PDE4D: variants seen among roughly 807,000 people sequenced by gnomAD.
PDE4D encodes phosphodiesterase 4D.
In PDE4D, 24 loss-of-function variants were observed where a neutral mutation model predicts 87.4. That is an observed-to-expected ratio of 0.27 (90% CI 0.20 to 0.39). The LOEUF (loss-of-function observed/expected upper bound fraction) is 0.39. PDE4D is among the 10% of genes least tolerant of loss of function. PDE4D has a pLI of 1.00. For synonymous variants in PDE4D, 384 were observed against 383.2 expected, an observed-to-expected ratio of 1.00 and a Z score of -0.02; for missense variants, 714 against 1,041.0, an observed-to-expected ratio of 0.69 and a Z score of 4.32.
At chr5:60,435,532 C>T (rs1010783901) in intron 1 of PDE4D, among the ~76,000 whole-genome samples, 1 of 152,024 alleles carries the variant, frequency 6.6e-6, no homozygotes. Flanking sequence ...TCTTGACTCT[C>T]TTTGCTTAGA....
intron 1 of PDE4D, among the ~76,000 whole-genome samples, chr5:59,277,106 C>CATTTGCAG (rs1345212699): frequency 2.6e-5 from 4 of 152,134 alleles, no homozygotes; most frequent in Non-Finnish European, 5.9e-5. Flanking sequence ...GTTTATTTAG[C>CATTTGCAG]ATTTGCAGAC....
chr5:59,881,176 C>A (rs1467244683), intron 1 of PDE4D, among the ~76,000 whole-genome samples: 3 of 152,072 alleles, frequency 2.0e-5, no homozygotes, highest in Admixed American at 1.3e-4. Flanking sequence ...TGCAGAACTA[C>A]CAGATGCCAA....
intron 1 of PDE4D, among the ~76,000 whole-genome samples, chr5:59,578,917 G>A (rs757994373): frequency 6.6e-6 from 1 of 152,018 alleles, no homozygotes; most frequent in Non-Finnish European, 1.5e-5. Context: ...TAGCTACTGT[G>A]TTTTTCTCCT....
At chr5:60,120,157 C>CT (rs1003444962) in intron 2 of PDE4D, among the ~76,000 whole-genome samples, 2 of 152,100 alleles carry the variant, frequency 1.3e-5, no homozygotes, top group Non-Finnish European at 1.5e-5. Flanking sequence ...TATACTATTG[C>CT]TTTTTTTAGC....
intron 1 of PDE4D, among the ~76,000 whole-genome samples, chr5:59,496,800 T>C (rs1807299162): frequency 6.6e-6 from 1 of 152,048 alleles, no homozygotes; most frequent in Non-Finnish European, 1.5e-5. Context: ...GACTCGAAGG[T>C]GGCTCTCCCC....
At chr5:60,084,445 A>C (rs1020649286) in intron 2 of PDE4D, among the ~76,000 whole-genome samples, 1 of 152,096 alleles carries the variant, frequency 6.6e-6, no homozygotes, top group African/African-American at 2.4e-5. Context: ...TGTGTGTGAG[A>C]GAAATATGGG....
chr5:59,647,840 T>C (rs957211066), intron 1 of PDE4D, among the ~76,000 whole-genome samples: 2 of 152,280 alleles, frequency 1.3e-5, no homozygotes, highest in East Asian at 1.9e-4. Context: ...ATTAAACACA[T>C]AACTTATTCA....
intron 2 of PDE4D, among the ~76,000 whole-genome samples, chr5:59,996,216 G>A (rs1034251220): frequency 1.3e-5 from 2 of 152,208 alleles, no homozygotes; most frequent in Non-Finnish European, 2.9e-5. Flanking sequence ...GCAGAGCATT[G>A]TAAAGGTCAG....
At chr5:60,284,954 T>C (rs1752279237) in intron 1 of PDE4D, among the ~76,000 whole-genome samples, 1 of 152,140 alleles carries the variant, frequency 6.6e-6, no homozygotes, top group Non-Finnish European at 1.5e-5. Flanking sequence ...TTCTACAATG[T>C]CTTACATCAA....
intron 1 of PDE4D, among the ~76,000 whole-genome samples, chr5:59,287,718 C>CAG (rs144084939): frequency 0.063 from 9,383 of 149,546 alleles, 297 homozygotes; most frequent in Middle Eastern, 0.072. Context: ...GAGACACACA[C>CAG]AGAGAGAGAG....
chr5:59,743,859 G>A (rs1318717826), intron 1 of PDE4D, among the ~76,000 whole-genome samples: 2 of 151,980 alleles, frequency 1.3e-5, no homozygotes, highest in African/African-American at 4.8e-5. Flanking sequence ...ACAGAACTGT[G>A]TTCTTTAGGA....
At chr5:59,517,146 G>T (rs184881151) in intron 1 of PDE4D, among the ~76,000 whole-genome samples, 1 of 140,316 alleles carries the variant, frequency 7.1e-6, no homozygotes, top group East Asian at 1.9e-4. Flanking sequence ...TGCTTATAAA[G>T]GAAAGAAAAA....
intron 1 of PDE4D, among the ~76,000 whole-genome samples, chr5:60,240,122 T>G (rs915487231): frequency 3.9e-5 from 6 of 152,110 alleles, no homozygotes; most frequent in Non-Finnish European, 8.8e-5. Context: ...TATATATTAT[T>G]AATACACACA....
At chr5:59,078,794 T>G (rs1208937374) in intron 5 of PDE4D, among the ~76,000 whole-genome samples, 1 of 152,138 alleles carries the variant, frequency 6.6e-6, no homozygotes, top group Admixed American at 6.6e-5. Context: ...AGATTACAGG[T>G]GTGAGCCACC....
chr5:59,060,732 T>C (rs1763005523), intron 5 of PDE4D, among the ~76,000 whole-genome samples: 1 of 152,146 alleles, frequency 6.6e-6, no homozygotes, highest in Non-Finnish European at 1.5e-5. Context: ...TCCAGCTTAC[T>C]CTGATTTGAA....
In PDE4D at chr5:59,815,766, G is replaced by A. The variant is rs766777958; in HGVS notation, c.455+77402C>T. Among the ~76,000 whole-genome samples the A allele has an allele frequency of 6.6e-5, 10 of 152,140 alleles. 1 individual carries two copies. Among genetic ancestry groups the A allele is most frequent in the Non-Finnish European group, 1.3e-4 (9 of 68,016 alleles). Reference sequence around the variant, plus strand: ...AGGACCTGCTGGAAAAGTGGTCTGAGGAACACAAATACATAGATTCATATT... The same window carrying A: ...AGGACCTGCTGGAAAAGTGGTCTGAAGAACACAAATACATAGATTCATATT... On this transcript the variant is annotated intron_variant, in intron 1 of 14. Coordinates refer to ENST00000340635, the MANE Select transcript of PDE4D (RefSeq NM_001104631.2).
rs558658628 is a variant in PDE4D, at chr5:60,248,017, C to T, written c.-89-62330G>A. 3.6e-4 allele frequency among the ~76,000 whole-genome samples: 55 copies of T among 152,022 alleles called. No individual in the cohort carries two copies. In the South Asian group the frequency reaches 4.4e-3, roughly 12 times the overall value. ...ACCAAATGAAATGGCCAATATTCAG[C>T]TGTTCTTGATCCACCCAAAAGCAAT... On this transcript the variant is annotated intron_variant, in intron 1 of 16. Transcript: ENST00000502484.
chr5:60,304,346 A>C (rs935445842), intron 1 of PDE4D, among the ~76,000 whole-genome samples: 5 of 152,148 alleles, frequency 3.3e-5, no homozygotes, highest in Non-Finnish European at 5.9e-5. Context: ...CCTTTGGTTG[A>C]TGAAATGGAG....
chr5:59,038,761 A>T, intron 6 of PDE4D, 98 bp downstream of exon 6: 1 of 1,207,876 alleles, frequency 8.3e-7, no homozygotes, highest in Non-Finnish European at 1.1e-6. Context: ...AGCCTAAAAA[A>T]CCTCTCAATT....
Sources: gnomAD v4.1 joint callset for allele counts (sites outside exome capture counted in the v4.1 genomes callset) on GRCh38, gnomAD v4.1.1 for gene constraint, MANE v1.5 for transcripts, NCBI Gene and HGNC (gene_info 2026-07-23, HGNC 2026-07-21) for gene names.